Variants in PCED1B observed in about 807,000 individuals in gnomAD.
The protein encoded by PCED1B is PC-esterase domain containing 1B.
For synonymous variants in PCED1B, 251 were observed against 246.1 expected (o/e 1.02, Z -0.19); for missense variants, 573 against 573.9 (o/e 1.00, Z 0.02).
chr12:47,119,117 C>G (rs1004934097), intron 2 of PCED1B, among the ~76,000 whole-genome samples: 1 of 152,058 alleles, frequency 6.6e-6, no homozygotes, highest in Admixed American at 6.6e-5. Flanking sequence ...AACAGTGATG[C>G]AAAAACGTTC....
intron 2 of PCED1B, among the ~76,000 whole-genome samples, chr12:47,211,841 C>T (rs1325744191): frequency 6.7e-6 from 1 of 148,532 alleles, no homozygotes. Context: ...TTTGGGAGGC[C>T]GAGGCGGGCG....
At chr12:47,164,968 C>T (rs1941498523) in intron 2 of PCED1B, among the ~76,000 whole-genome samples, 1 of 152,202 alleles carries the variant, frequency 6.6e-6, no homozygotes, top group South Asian at 2.1e-4. Context: ...GAACTGTCCC[C>T]TGAAACCATT....
chr12:47,112,316 C>T (rs1939234075), intron 2 of PCED1B, among the ~76,000 whole-genome samples: 2 of 152,302 alleles, frequency 1.3e-5, no homozygotes, highest in Middle Eastern at 3.4e-3. Context: ...ACTTTATTTC[C>T]TAATGACTTC....
chr12:47,205,251 G>A (rs914942886), intron 2 of PCED1B, among the ~76,000 whole-genome samples: 1 of 152,166 alleles, frequency 6.6e-6, no homozygotes, highest in African/African-American at 2.4e-5. Flanking sequence ...AAGATCAGAT[G>A]AGCCAGTTTA....
At chr12:47,127,616 G>A (rs1280017858) in intron 2 of PCED1B, among the ~76,000 whole-genome samples, 1 of 151,890 alleles carries the variant, frequency 6.6e-6, no homozygotes, top group Non-Finnish European at 1.5e-5. Context: ...TGCCCACCTA[G>A]ACCTCCCAAA....
chr12:47,107,505 A>C lies in PCED1B; in HGVS notation c.-526+3310A>C, dbSNP rs184410738. 7.2e-5 allele frequency among the ~76,000 whole-genome samples: 11 copies of C among 152,368 alleles called. No individual in the cohort carries two copies. In the East Asian group the frequency reaches 2.1e-3, roughly 29 times the overall value. The stretch of plus-strand genomic sequence containing the variant: ...TTGAGATTGTGACCATTTTCCCAGA[A>C]GAAGCAGAAAGTATAATGCATCGAA... On this transcript the variant is annotated intron_variant, in intron 2 of 3. Coordinates refer to ENST00000546455, the MANE Select transcript of PCED1B (RefSeq NM_138371.3).
chr12:47,091,390 C>G (rs112995601), intron 1 of PCED1B, among the ~76,000 whole-genome samples: 8 of 152,094 alleles, frequency 5.3e-5, no homozygotes, highest in African/African-American at 1.7e-4. Context: ...TTCTTATTGA[C>G]TTGCAGGTGT....
intron 2 of PCED1B, among the ~76,000 whole-genome samples, chr12:47,107,357 A>T (rs1939001149): frequency 6.6e-6 from 1 of 152,208 alleles, no homozygotes; most frequent in African/African-American, 2.4e-5. Context: ...GAGAAGGGAC[A>T]GCATAAACTC....
At chr12:47,089,178 C>T (rs1157671799) in intron 1 of PCED1B, among the ~76,000 whole-genome samples, 1 of 151,980 alleles carries the variant, frequency 6.6e-6, no homozygotes, top group Non-Finnish European at 1.5e-5. Context: ...CGTGGTGGCT[C>T]ACGCCTGTAA....
intron 2 of PCED1B, among the ~76,000 whole-genome samples, chr12:47,166,565 C>T (rs1357933): frequency 2.0e-5 from 3 of 152,000 alleles, no homozygotes; most frequent in South Asian, 2.1e-4. Context: ...AACTGGCCAC[C>T]GTCTTGACAG....
chr12:47,093,107 C>T (rs1329090953), intron 1 of PCED1B, among the ~76,000 whole-genome samples: 1 of 151,974 alleles, frequency 6.6e-6, no homozygotes, highest in Non-Finnish European at 1.5e-5. Flanking sequence ...CACTGATAAA[C>T]TATCTGAGCC....
rs1000924460 is a variant in PCED1B at position 47,231,849 on chromosome 12, G to A, written c.-57-3158G>A. ...AGTGCTGGCCCAGGGAAGGCACATC[G>A]AGCTGGGGCAGCATGGGAGCCCTGA... On this transcript the variant is annotated intron_variant, in intron 3 of 3. Coordinates refer to ENST00000546455, the MANE Select transcript of PCED1B (RefSeq NM_138371.3). Among the ~76,000 whole-genome samples the A allele has an allele frequency of 9.9e-5, 15 of 152,240 alleles. No individual in the cohort carries two copies. In the South Asian group the frequency reaches 1.5e-3, roughly 15 times the overall value.
At chr12:47,188,828 A>C (rs1035010734) in intron 2 of PCED1B, among the ~76,000 whole-genome samples, 2 of 152,196 alleles carry the variant, frequency 1.3e-5, no homozygotes, top group African/African-American at 4.8e-5. Flanking sequence ...CGTAAAAAAC[A>C]GGCATGTTGC....
At chr12:47,233,296 C>T (rs889518463) in intron 3 of PCED1B, among the ~76,000 whole-genome samples, 4 of 152,168 alleles carry the variant, frequency 2.6e-5, no homozygotes, top group South Asian at 2.1e-4. Context: ...TGTCCGCCAC[C>T]ACGCCCGGCT....
At chr12:47,086,567 T>G (rs1937997133) in intron 1 of PCED1B, among the ~76,000 whole-genome samples, 1 of 152,156 alleles carries the variant, frequency 6.6e-6, no homozygotes, top group Non-Finnish European at 1.5e-5. Context: ...TTTAAATACT[T>G]TAACATTCTC....
chr12:47,204,370 T>G (rs1177161994), intron 2 of PCED1B, among the ~76,000 whole-genome samples: 2 of 152,224 alleles, frequency 1.3e-5, no homozygotes, highest in African/African-American at 4.8e-5. Flanking sequence ...TGATATTGAT[T>G]CTTCCTATCC....
chr12:47,200,194 CAAA>C (rs534572202), intron 2 of PCED1B, among the ~76,000 whole-genome samples: 1 of 142,998 alleles, frequency 7.0e-6, no homozygotes. Context: ...GATCTTGCCT[CAAA>C]AAAAAAAAAA....
chr12:47,179,017 AC>A (rs1942015222), intron 2 of PCED1B, among the ~76,000 whole-genome samples: 1 of 152,248 alleles, frequency 6.6e-6, no homozygotes, highest in Non-Finnish European at 1.5e-5. Context: ...ATCATTTTTA[AC>A]TTTGAAAAGT....
At chr12:47,114,701 G>C (rs1939343858) in intron 2 of PCED1B, among the ~76,000 whole-genome samples, 1 of 152,202 alleles carries the variant, frequency 6.6e-6, no homozygotes, top group African/African-American at 2.4e-5. Flanking sequence ...AAGCCCTCCA[G>C]CTGGAGCAGG....
Sources: gnomAD v4.1 joint callset for allele counts (sites outside exome capture counted in the v4.1 genomes callset) on GRCh38, gnomAD v4.1.1 for gene constraint, MANE v1.5 for transcripts, NCBI Gene and HGNC (gene_info 2026-07-23, HGNC 2026-07-21) for gene names.